The following AFF2 variants were observed in gnomAD, a reference collection of about 807,000 sequenced individuals.
The protein encoded by AFF2 is ALF transcription elongation factor 2.
In AFF2, 14 loss-of-function variants were observed where a neutral mutation model predicts 76.9. The ratio of observed to expected loss-of-function variants is 0.18; its 90% CI spans 0.12 to 0.28. The LOEUF (loss-of-function observed/expected upper bound fraction) is 0.28, where lower values mean the gene tolerates loss of function less well. AFF2 is among the 10% of genes least tolerant of loss of function. The pLI, the probability that AFF2 is intolerant of heterozygous loss-of-function variation, is 1.00. For missense variants in AFF2, 868 were observed against 1,001.1 expected (o/e 0.87, Z 1.79); for synonymous variants, 398 against 366.7 (o/e 1.09, Z -0.98).
rs1046482916 is a variant in AFF2, at chrX:148,852,866, G to C, written c.1262+9433G>C. ...GGTAGTCATATTTGAAGTCAGGCCT[G>C]CTTGGTGCTCTTTCCACTGTGCAAT... is the stretch of plus-strand genomic sequence containing the variant. On this transcript the variant is annotated intron_variant, in intron 7 of 20. Transcript: ENST00000370460. Among the ~76,000 whole-genome samples, 6 of 111,809 alleles carry C rather than the reference G, an allele frequency of 5.4e-5. No homozygotes were observed. In the East Asian group the frequency reaches 1.7e-3, roughly 32 times the overall value.
intron 3 of AFF2, among the ~76,000 whole-genome samples, chrX:148,682,716 C>A (rs1283997991): frequency 9.0e-6 from 1 of 111,570 alleles, no homozygotes; most frequent in African/African-American, 3.3e-5. Context: ...AAAAAGAAAT[C>A]TTTTTCAAAA....
At position 148,652,104 on chromosome X, in the gene AFF2, TG is replaced by T. The variant is rs782262836; in HGVS notation, c.157del (p.Glu53SerfsTer5). On this transcript the variant is annotated frameshift_variant, in exon 2 of 21. Transcript: ENST00000370460. LOFTEE classifies it high-confidence loss of function. ...DLFSSGFDLF[G>X]EPYKVAEYTN... ...TCTTTTCTTCAGGCTTTGATCTTTTTGGGGAGCCATACAAGGTAGCTGAATA... is the reference window on the plus strand; with the variant it reads ...TCTTTTCTTCAGGCTTTGATCTTTTTGGGAGCCATACAAGGTAGCTGAATA... 8.3e-7 allele frequency: 1 copy of T among 1,201,076 alleles called. No individual in the cohort carries two copies. The highest frequency in any genetic ancestry group is 2.2e-5 in the Admixed American group (1 of 45,343).
At chrX:148,905,373 T>C (rs1298392365) in intron 9 of AFF2, among the ~76,000 whole-genome samples, 1 of 111,921 alleles carries the variant, frequency 8.9e-6, no homozygotes, top group Non-Finnish European at 1.9e-5. Flanking sequence ...CTTATGGAAG[T>C]ATTTGTAGTA....
rs1380918697 is a variant in AFF2, at chrX:148,973,060, G to A, written c.3268-411G>A. Among the ~76,000 whole-genome samples the A allele has an allele frequency of 7.2e-5, 7 of 96,762 alleles. 1 individual carries two copies. Among genetic ancestry groups the A allele is most frequent in the Non-Finnish European group, 1.0e-4 (5 of 48,229 alleles). The allele number at this position is 96,762 out of a possible 115,157, so 84.0% of individuals were successfully genotyped here. On this transcript the variant is annotated intron_variant, in intron 15 of 20. Transcript: ENST00000370460. ...CTTTCCCCATTGCTTGTTTTTGTCAGGTTTGTCAAAGATCAGATAGTTGTA... is the reference window on the plus strand; with the variant it reads ...CTTTCCCCATTGCTTGTTTTTGTCAAGTTTGTCAAAGATCAGATAGTTGTA...
At chrX:148,685,049 G>C (rs933103647) in intron 3 of AFF2, among the ~76,000 whole-genome samples, 1 of 112,131 alleles carries the variant, frequency 8.9e-6, no homozygotes, top group Admixed American at 9.5e-5. Flanking sequence ...ACTCAGGCTG[G>C]ATTCCGCAGT....
chrX:148,505,737 A>T (rs1390099873), intron 1 of AFF2, among the ~76,000 whole-genome samples: 1 of 112,086 alleles, frequency 8.9e-6, no homozygotes, highest in African/African-American at 3.2e-5. Flanking sequence ...TCATACCTCA[A>T]AGCGGAAAAC....
chrX:148,669,354 T>C (rs916309091), intron 3 of AFF2, among the ~76,000 whole-genome samples: 5 of 112,027 alleles, frequency 4.5e-5, no homozygotes, highest in African/African-American at 1.6e-4. Flanking sequence ...TTCCACATTT[T>C]CATGTATCTT....
At chrX:148,681,514 G>A (rs1233234631) in intron 3 of AFF2, among the ~76,000 whole-genome samples, 1 of 107,541 alleles carries the variant, frequency 9.3e-6, no homozygotes, top group Admixed American at 1.0e-4. Flanking sequence ...TTGTAATGTT[G>A]ATGATCACAG....
At chrX:148,888,433 G>A (rs1048547997) in intron 8 of AFF2, among the ~76,000 whole-genome samples, 4 of 111,629 alleles carry the variant, frequency 3.6e-5, no homozygotes, top group African/African-American at 1.3e-4. Flanking sequence ...GGACATTTTG[G>A]TTGTTTCCAA....
At chrX:148,768,020 C>T (rs782372410) in intron 3 of AFF2, among the ~76,000 whole-genome samples, 1 of 107,945 alleles carries the variant, frequency 9.3e-6, no homozygotes, top group Admixed American at 1.0e-4. Context: ...CTGACTGGTG[C>T]CTACTGCCGC....
intron 9 of AFF2, among the ~76,000 whole-genome samples, chrX:148,921,948 A>G (rs782098887): frequency 6.1e-4 from 68 of 111,760 alleles, no homozygotes; most frequent in Non-Finnish European, 1.2e-3. Flanking sequence ...GCAATTTCCT[A>G]TTTTATGAAA....
chrX:148,885,457 C>T, intron 7 of AFF2, among the ~76,000 whole-genome samples: 1 of 111,355 alleles, frequency 9.0e-6, no homozygotes, highest in Non-Finnish European at 1.9e-5. Flanking sequence ...TCCAGAGAGA[C>T]CCAGCAGGCT....
chrX:148,572,174 A>T (rs1189773859), intron 1 of AFF2, among the ~76,000 whole-genome samples: 1 of 111,839 alleles, frequency 8.9e-6, no homozygotes, highest in Non-Finnish European at 1.9e-5. Flanking sequence ...CTTAGTCATC[A>T]GGGAAATGCA....
intron 7 of AFF2, among the ~76,000 whole-genome samples, chrX:148,864,433 G>A (rs2070884119): frequency 1.8e-5 from 2 of 111,659 alleles, no homozygotes; most frequent in Non-Finnish European, 3.8e-5. Context: ...GAAGACCAAT[G>A]GCTTGACTTT....
Position 148,878,547 on chromosome X carries a change from T to C in AFF2, c.1263-7342T>C, listed in dbSNP as rs1432717765. ...ATGGTCTTGAATGAATTCCTATTCCTCCACTTGAATGACTTTCCATATCAC... is the reference window on the plus strand; with the variant it reads ...ATGGTCTTGAATGAATTCCTATTCCCCCACTTGAATGACTTTCCATATCAC... On this transcript the variant is annotated intron_variant, in intron 7 of 20. Coordinates refer to ENST00000370460, the MANE Select transcript of AFF2 (RefSeq NM_002025.4). Among the ~76,000 whole-genome samples the C allele has an allele frequency of 4.5e-5, 5 of 111,955 alleles. No individual in the cohort carries two copies. The Admixed American group carries it at 4.7e-4, about 11-fold the overall frequency.
intron 9 of AFF2, among the ~76,000 whole-genome samples, chrX:148,952,663 G>A: frequency 8.9e-6 from 1 of 112,138 alleles, no homozygotes; most frequent in Admixed American, 9.4e-5. Context: ...AGGACGCAGA[G>A]AGCAAACGAT....
chrX:148,834,344 G>T (rs1475422482), intron 4 of AFF2, among the ~76,000 whole-genome samples: 28 of 111,482 alleles, frequency 2.5e-4, no homozygotes, highest in African/African-American at 8.8e-4. Context: ...TAAATGTAAG[G>T]CTGTGTATAA....
chrX:148,670,562 G>T (rs1474078615), intron 3 of AFF2, among the ~76,000 whole-genome samples: 5 of 111,776 alleles, frequency 4.5e-5, no homozygotes, highest in Non-Finnish European at 9.4e-5. Flanking sequence ...TCAAAAGCCA[G>T]ACTGTCACTT....
In AFF2 at chrX:148,996,459, G is replaced by C. The variant is rs1184854253; in HGVS notation, c.*5127G>C. On this transcript the variant is annotated 3_prime_UTR_variant, in exon 21 of 21. Coordinates refer to ENST00000370460, the MANE Select transcript of AFF2 (RefSeq NM_002025.4). ...ACATGGTTGGAAAGAGATGCACGCA[G>C]TTGGCTCTTGCAAGCCTGGGCAAAA... is the stretch of plus-strand genomic sequence containing the variant. The C allele has an allele frequency of 8.9e-6, 1 of 112,923 alleles. No homozygotes were observed. Among genetic ancestry groups the C allele is most frequent in the Non-Finnish European group, 1.9e-5 (1 of 53,435 alleles). 9.3% of individuals were successfully genotyped at this position (112,923 alleles called of 1,213,427 possible).
Sources: allele counts gnomAD v4.1 joint callset (sites outside exome capture counted in the v4.1 genomes callset), GRCh38; gene constraint gnomAD v4.1.1; transcripts MANE v1.5; gene names NCBI Gene and HGNC (gene_info 2026-07-23, HGNC 2026-07-21).